LARS2: variants seen among roughly 807,000 people sequenced by gnomAD.
LARS2 encodes the protein leucyl-tRNA synthetase 2, mitochondrial, also known as leucine--tRNA ligase, mitochondrial.
In LARS2, 81 loss-of-function variants were observed where a neutral mutation model predicts 116.6. That is an observed-to-expected ratio of 0.69 (90% confidence interval 0.58 to 0.84). LARS2 has a LOEUF of 0.84. LARS2 is among the 40% of genes least tolerant of loss of function. LARS2 has a pLI of 0.00. For missense variants in LARS2, 968 were observed against 1,114.5 expected, an observed-to-expected ratio of 0.87 and a Z score of 1.87; for synonymous variants, 396 against 407.2, an observed-to-expected ratio of 0.97 and a Z score of 0.33.
chr3:45,475,379 A>G lies in LARS2; in HGVS notation c.858+1029A>G, dbSNP rs141135272. Reference sequence around the variant, plus strand: ...GAGTGTGTACTTTGGAAACATTTCAATACAAATCCTGGACTGAGCTTTTCC... The same window carrying G: ...GAGTGTGTACTTTGGAAACATTTCAGTACAAATCCTGGACTGAGCTTTTCC... On this transcript the variant is annotated intron_variant, in intron 9 of 21. Coordinates refer to ENST00000645846, the MANE Select transcript of LARS2 (RefSeq NM_015340.4). 3.5e-3 allele frequency among the ~76,000 whole-genome samples: 526 copies of G among 152,354 alleles called. 2 individuals are homozygous for G. Among genetic ancestry groups the G allele is most frequent in the African/African-American group, 0.011 (473 of 41,576 alleles).
At chr3:45,414,217 A>C (rs1698378447) in intron 4 of LARS2, among the ~76,000 whole-genome samples, 1 of 152,250 alleles carries the variant, frequency 6.6e-6, no homozygotes, top group South Asian at 2.1e-4. Context: ...CATTCAAAGC[A>C]GTCACTAACA....
At chr3:45,541,807 C>CT (rs777472474) in intron 20 of LARS2, 22 bp from the exon 21 acceptor site, 1 of 1,613,638 alleles carries the variant, frequency 6.2e-7, no homozygotes. Flanking sequence ...TGACCCCACG[C>CT]TTCTGTGCCT....
chr3:45,414,911 T>G lies in LARS2; in HGVS notation c.364-2571T>G, dbSNP rs893361086. On this transcript the variant is annotated intron_variant, in intron 4 of 21. Coordinates refer to ENST00000645846, the MANE Select transcript of LARS2 (RefSeq NM_015340.4). The stretch of plus-strand genomic sequence containing the variant: ...GAAGTGGCGTCTGTGGTTTTGTGGC[T>G]GGATTCAGTTTCAGAGAATGGTAGG... 3.9e-5 allele frequency among the ~76,000 whole-genome samples: 6 copies of G among 152,216 alleles called. No homozygotes were observed. In the South Asian group the frequency reaches 1.2e-3, roughly 32 times the overall value.
At chr3:45,490,655 G>A (rs1367269740) in intron 12 of LARS2, among the ~76,000 whole-genome samples, 1 of 152,166 alleles carries the variant, frequency 6.6e-6, no homozygotes, top group Non-Finnish European at 1.5e-5. Context: ...TATGCCTCTT[G>A]ACTGTAAGCT....
chr3:45,425,294 A>G (rs1182882615), intron 6 of LARS2, among the ~76,000 whole-genome samples: 4 of 151,992 alleles, frequency 2.6e-5, no homozygotes, highest in African/African-American at 9.7e-5. Context: ...TCATTTCCTG[A>G]TTGAGGGGGA....
chr3:45,393,652 C>T (rs1040439556), intron 2 of LARS2, among the ~76,000 whole-genome samples: 2 of 151,730 alleles, frequency 1.3e-5, no homozygotes, highest in African/African-American at 2.4e-5. Context: ...CTTAGAACAA[C>T]GTGTGGGCCT....
intron 16 of LARS2, among the ~76,000 whole-genome samples, chr3:45,515,138 C>T (rs1368569137): frequency 6.6e-6 from 1 of 152,194 alleles, no homozygotes; most frequent in Admixed American, 6.5e-5. Context: ...GAAAATAGAG[C>T]TAGGCCCCAC....
intron 6 of LARS2, among the ~76,000 whole-genome samples, chr3:45,426,920 C>G (rs1242580546): frequency 6.6e-6 from 1 of 152,146 alleles, no homozygotes; most frequent in African/African-American, 2.4e-5. Context: ...TGATGTAATG[C>G]TTGTTGAGTG....
At chr3:45,435,635 T>C (rs1307835906) in intron 6 of LARS2, among the ~76,000 whole-genome samples, 1 of 152,110 alleles carries the variant, frequency 6.6e-6, no homozygotes, top group African/African-American at 2.4e-5. Flanking sequence ...TGTTTTCCTT[T>C]CTTTCTCTCC....
chr3:45,525,182 C>T (rs1251540857), intron 20 of LARS2, among the ~76,000 whole-genome samples: 1 of 152,182 alleles, frequency 6.6e-6, no homozygotes, highest in African/African-American at 2.4e-5. Flanking sequence ...TTTCCAGGGT[C>T]CCCTTTTTTA....
intron 15 of LARS2, among the ~76,000 whole-genome samples, chr3:45,503,055 C>T (rs726136): frequency 3.7e-4 from 55 of 149,636 alleles, no homozygotes; most frequent in Non-Finnish European, 5.9e-4. Flanking sequence ...TTCTTGAACC[C>T]TTTTTTTTTT....
At chr3:45,405,267 T>C (rs1443400758) in intron 4 of LARS2, among the ~76,000 whole-genome samples, 1 of 152,206 alleles carries the variant, frequency 6.6e-6, no homozygotes, top group African/African-American at 2.4e-5. Flanking sequence ...ATGTCAGGTT[T>C]TTAATGGTCA....
chr3:45,402,021 C>T (rs891552643), intron 4 of LARS2, among the ~76,000 whole-genome samples: 5 of 152,132 alleles, frequency 3.3e-5, no homozygotes, highest in African/African-American at 1.2e-4. Context: ...TGGCAGTATT[C>T]AAGAAGGGCT....
chr3:45,446,000 G>A (rs1486011380), intron 6 of LARS2, among the ~76,000 whole-genome samples: 1 of 152,184 alleles, frequency 6.6e-6, no homozygotes, highest in Admixed American at 6.5e-5. Flanking sequence ...TTTGAGCCCA[G>A]GAGTTCGAGA....
intron 7 of LARS2, among the ~76,000 whole-genome samples, chr3:45,454,829 G>T (rs9838284): frequency 1.0e-3 from 154 of 151,948 alleles, no homozygotes; most frequent in Admixed American, 2.0e-3. Context: ...AGACAGTTGT[G>T]TAAGAGAGGA....
At chr3:45,537,624 A>C (rs140040877) in intron 20 of LARS2, among the ~76,000 whole-genome samples, 1 of 152,156 alleles carries the variant, frequency 6.6e-6, no homozygotes, top group Non-Finnish European at 1.5e-5. Context: ...CCTCCTTCCT[A>C]TTCACTTCCT....
intron 19 of LARS2, among the ~76,000 whole-genome samples, chr3:45,521,275 A>G (rs1700450428): frequency 1.3e-5 from 2 of 152,174 alleles, no homozygotes; most frequent in Admixed American, 1.3e-4. Context: ...ACTGCACTTC[A>G]GCCTGGGCGA....
intron 6 of LARS2, among the ~76,000 whole-genome samples, chr3:45,427,598 C>T (rs893760862): frequency 6.6e-6 from 1 of 152,150 alleles, no homozygotes; most frequent in African/African-American, 2.4e-5. Context: ...CTTCCTTTTA[C>T]TGTGAAATAC....
intron 4 of LARS2, among the ~76,000 whole-genome samples, chr3:45,411,853 C>T (rs1018555809): frequency 8.5e-5 from 13 of 152,174 alleles, no homozygotes; most frequent in African/African-American, 3.1e-4. Flanking sequence ...CCACCCACCA[C>T]CCTCAGGTAG....
Sources: allele counts gnomAD v4.1 joint callset (sites outside exome capture counted in the v4.1 genomes callset), GRCh38; gene constraint gnomAD v4.1.1; transcripts MANE v1.5; gene names NCBI Gene and HGNC (gene_info 2026-07-23, HGNC 2026-07-21).